The following TNXB variants were observed in gnomAD, a reference collection of about 807,000 sequenced individuals.
The protein encoded by TNXB is tenascin-X.
In TNXB, 183 loss-of-function variants were observed where a neutral mutation model predicts 340.5. The ratio of observed to expected loss-of-function variants is 0.54; its 90% confidence interval spans 0.48 to 0.61. The LOEUF (loss-of-function observed/expected upper bound fraction) is 0.61. TNXB is among the 20% of genes least tolerant of loss of function. TNXB has a pLI of 0.00. For missense variants in TNXB, 4,613 were observed against 5,446.4 expected, an observed-to-expected ratio of 0.85 and a Z score of 4.82; for synonymous variants, 2,121 against 2,314.5, an observed-to-expected ratio of 0.92 and a Z score of 2.40.
At chr6:32,057,957 C>T in intron 22 of TNXB, 101 bp downstream of exon 22, 1 of 1,347,502 alleles carries the variant, frequency 7.4e-7, no homozygotes, top group Non-Finnish European at 1.0e-6. Flanking sequence ...ATTCCTTTCA[C>T]TGTGAGCCCC....
chr6:32,069,423 G>C lies in TNXB; in HGVS notation c.5587+130C>G. On this transcript the variant is annotated intron_variant, in intron 15 of 43. Transcript: ENST00000644971. This position sits in a 1 kb window ranked among gnomAD's most constrained non-coding sequence, Gnocchi z 6.2. The stretch of plus-strand genomic sequence containing the variant: ...TGGGACTGGGGCAACTGACTCTAAA[G>C]GGGCACAAGGAAACTTTCTGGATCA... 8.6e-7 allele frequency: 1 copy of C among 1,169,036 alleles called. No homozygotes were observed. Among genetic ancestry groups the C allele is most frequent in the East Asian group, 2.6e-5 (1 of 38,880 alleles). The allele number at this position is 1,169,036 out of a possible 1,614,324, so 72.4% of individuals were successfully genotyped here.
At position 32,090,454 on chromosome 6, in the gene TNXB, C is replaced by G. The variant is rs569122715; in HGVS notation, c.2359-1075G>C. On this transcript the variant is annotated intron_variant, in intron 4 of 43. Transcript: ENST00000644971. The surrounding 1 kb of genome is among the most constrained non-coding windows in gnomAD (Gnocchi z 4.3). ...ATCTGTGAGCATTCTAACAGCCCCA[C>G]ATTTTGCTGTGCTGTCCAGCTAGGA... Among the ~76,000 whole-genome samples the G allele has an allele frequency of 5.6e-4, 85 of 152,300 alleles. No individual in the cohort carries two copies. The highest frequency in any genetic ancestry group is 2.0e-3 in the African/African-American group (84 of 41,574).
Position 32,052,786 on chromosome 6 carries a change from C to T in TNXB, c.8999G>A (p.Gly3000Asp). ...CCCCACGGTGACCTCGCTCTCCTCG[C>T]CCCTGACACGCACCACCTGGGGCCG... The part of the protein sequence containing the change: ...DGRPQVVRVR[G>D]EESEVTVGGL... The change falls in exon 26 of 44, where the codon GGC (glycine) becomes GAC (aspartate). Residue 3000 changes from glycine (G) to aspartate (D), a missense_variant. Transcript: ENST00000644971. The surrounding 1 kb of genome is among the most constrained non-coding windows in gnomAD (Gnocchi z 4.7). 2.5e-6 allele frequency: 4 copies of T among 1,613,814 alleles called. No homozygotes were observed. The highest frequency in any genetic ancestry group is 2.2e-5 in the South Asian group (2 of 91,084).
rs114258439 is a variant in TNXB at position 32,055,056 on chromosome 6, T to G, written c.8467+795A>C. Among the ~76,000 whole-genome samples, 321 of 152,304 alleles carry G rather than the reference T, an allele frequency of 2.1e-3. 3 individuals carry two copies. Among genetic ancestry groups the G allele is most frequent in the African/African-American group, 7.4e-3 (306 of 41,552 alleles). On this transcript the variant is annotated intron_variant, in intron 24 of 43. Transcript: ENST00000644971. ...GCTAATCTGAGTGATAGCTGCTTCT[T>G]TACCAATGGCAGCTTTGGCCTTGCT...
Position 32,070,150 on chromosome 6 carries a change from G to C in TNXB, c.5255C>G (p.Pro1752Arg), listed in dbSNP as rs1480200117. Reference protein sequence around the residue: ...YGLLGKKRHGPLTADGTTEAR... With the variant: ...YGLLGKKRHGRLTADGTTEAR... ...ACCCGTGGTGCCGTCGGCAGTGAGA[G>C]GGCCATGGCGCTTCTTGCCCAGGAG... The change falls in exon 14 of 44, where the codon CCT becomes CGT. Residue 1752 changes from proline to arginine, a missense_variant. By Grantham distance (103) the Pro-to-Arg change is moderately radical. Transcript: ENST00000644971. This position sits in a 1 kb window ranked among gnomAD's most constrained non-coding sequence, Gnocchi z 6.0. The C allele has an allele frequency of 1.9e-6, 3 of 1,585,592 alleles. No individual in the cohort carries two copies. The highest frequency in any genetic ancestry group is 2.6e-6 in the Non-Finnish European group (3 of 1,162,534).
At position 32,064,933 on chromosome 6, in the gene TNXB, G is replaced by A. The variant is rs746066179; in HGVS notation, c.6729C>T (p.His2243=). The change falls in exon 19 of 44, where the codon CAC becomes CAT. Residue 2243 remains histidine, a synonymous_variant. Transcript: ENST00000644971. The surrounding 1 kb of genome is among the most constrained non-coding windows in gnomAD (Gnocchi z 5.3). ...GGCCCGAGATGGTGACCCCATCCTCGTGTCCCGGCACCCGCACCGCCTTGG... is the reference window on the plus strand; with the variant it reads ...GGCCCGAGATGGTGACCCCATCCTCATGTCCCGGCACCCGCACCGCCTTGG... The part of the protein sequence containing the change: ...GQPKAVRVPG[H]EDGVTISGLE... The A allele has an allele frequency of 8.7e-6, 14 of 1,612,836 alleles. No individual in the cohort carries two copies. The highest frequency in any genetic ancestry group is 1.7e-5 in the Admixed American group (1 of 60,020).
At chr6:32,107,987 G>A (rs193263501) in intron 1 of TNXB, among the ~76,000 whole-genome samples, 5 of 152,236 alleles carry the variant, frequency 3.3e-5, no homozygotes, top group South Asian at 4.1e-4. Context: ...GGAGCTAATC[G>A]GCCTGGGAAT....
chr6:32,042,767 TAGG>T lies in TNXB; in HGVS notation c.11987_11989del (p.Ser3996del). On this transcript the variant is annotated inframe_deletion, in exon 39 of 44. Transcript: ENST00000644971. ...CCACATGGCCTGGAGCCGTGCATTGTAGGAGGTGGAGGGAAAGAGGCCAAGGAG... is the reference window on the plus strand; with the variant it reads ...CCACATGGCCTGGAGCCGTGCATTGTAGGTGGAGGGAAAGAGGCCAAGGAG... 1.4e-6 allele frequency: 1 copy of T among 701,232 alleles called. No homozygotes were observed. The highest frequency in any genetic ancestry group is 2.9e-5 in the East Asian group (1 of 34,564). The allele number at this position is 701,232 out of a possible 1,614,324, so 43.4% of individuals were successfully genotyped here. A position where few individuals can be genotyped will look rare whatever the true frequency, so the allele number is the denominator to read the frequency against.
chr6:32,086,245 C>T (rs1265993646), intron 6 of TNXB, 127 bp from the exon 7 acceptor site: 2 of 1,154,560 alleles, frequency 1.7e-6, no homozygotes, highest in Admixed American at 3.0e-5. Context: ...GGTTCCCTCA[C>T]CTGGGCCACT....
chr6:32,041,519 G>A (rs1190533131), intron 43 of TNXB, 69 bp from the exon 44 acceptor site: 2 of 1,199,174 alleles, frequency 1.7e-6, no homozygotes, highest in Non-Finnish European at 2.4e-6. Context: ...TCCCCTTAAG[G>A]AGGTAGCTCC....
chr6:32,048,230 G>T, intron 29 of TNXB, 133 bp downstream of exon 29: 1 of 1,110,666 alleles, frequency 9.0e-7, no homozygotes, highest in South Asian at 1.8e-5. Flanking sequence ...AGAGCTCAGG[G>T]CCTGGGTTTT....
Position 32,082,301 on chromosome 6 carries a change from C to G in TNXB, c.3471G>C (p.Gly1157=). Residue 1157 remains glycine, a synonymous_variant, in exon 9 of 44, where the codon GGG becomes GGC. Transcript: ENST00000644971. The surrounding 1 kb of genome is among the most constrained non-coding windows in gnomAD (Gnocchi z 5.0). Reference sequence around the variant, plus strand: ...ACAGGTTTCCCAGGTGGGGTGGAGTCCCTGGACTTGGGTCACTCTGAGGCA... The same window carrying G: ...ACAGGTTTCCCAGGTGGGGTGGAGTGCCTGGACTTGGGTCACTCTGAGGCA... ...KILPQSDPSP[G]TPPHLGNLWV... is the part of the protein sequence containing the mutation. 1 of 1,599,562 alleles carries G rather than the reference C, an allele frequency of 6.3e-7. No individual in the cohort carries two copies. The highest frequency in any genetic ancestry group is 1.3e-5 in the African/African-American group (1 of 74,834).
intron 11 of TNXB, among the ~76,000 whole-genome samples, chr6:32,078,138 A>G (rs1779212374): frequency 6.6e-6 from 1 of 151,446 alleles, no homozygotes; most frequent in Non-Finnish European, 1.5e-5. Flanking sequence ...AAAGAAAAAG[A>G]GAGAAAGAAG....
rs1327754879 is a variant in TNXB, at chr6:32,069,819, G to C, written c.5321C>G (p.Pro1774Arg). The C allele has an allele frequency of 1.2e-6, 2 of 1,609,202 alleles. No individual in the cohort carries two copies. Among genetic ancestry groups the C allele is most frequent in the Non-Finnish European group, 1.7e-6 (2 of 1,177,960 alleles). The change falls in exon 15 of 44, where the codon CCA (proline) becomes CGA (arginine). Residue 1774 changes from proline to arginine, a missense_variant. Pro to Arg is a moderately radical substitution (Grantham distance 103). Coordinates refer to ENST00000644971, the MANE Select transcript of TNXB (RefSeq NM_001365276.2). This position sits in a 1 kb window ranked among gnomAD's most constrained non-coding sequence, Gnocchi z 6.2. ...AMDDTGTKRP[P>R]KPRLGEELQV... ...CAGCTCCTCCCCCAGACGGGGTTTT[G>C]GGGGACGCTTTGTTCCAGTATCATC...
At position 32,081,543 on chromosome 6, in the gene TNXB, G is replaced by A. The variant is rs1779439126; in HGVS notation, c.3867C>T (p.Asp1289=). 1 of 1,605,590 alleles carries A rather than the reference G, an allele frequency of 6.2e-7. No individual in the cohort carries two copies. Among genetic ancestry groups the A allele is most frequent in the Non-Finnish European group, 8.5e-7 (1 of 1,176,308 alleles). Residue 1289 remains aspartate (D), a synonymous_variant, in exon 10 of 44, where the codon GAC becomes GAT. Coordinates refer to ENST00000644971, the MANE Select transcript of TNXB (RefSeq NM_001365276.2). This position sits in a 1 kb window ranked among gnomAD's most constrained non-coding sequence, Gnocchi z 5.1. ...LSWTVAQGPF[D]SFMVQYKDAQ... The stretch of plus-strand genomic sequence containing the variant: ...CATCCTTGTACTGGACCATGAATGA[G>A]TCGAAGGGGCCCTGGGCCACTGTCC...
chr6:32,056,872 A>G lies in TNXB; in HGVS notation c.7857T>C (p.Pro2619=). 6.2e-7 allele frequency: 1 copy of G among 1,612,588 alleles called. No individual in the cohort carries two copies. The highest frequency in any genetic ancestry group is 8.5e-7 in the Non-Finnish European group (1 of 1,179,666). The part of the protein sequence containing the change: ...EDEAETTQAV[P]TMTPEPPIKP... Reference sequence around the variant, plus strand: ...TGATGGGGGGCTCAGGGGTCATGGTAGGCACTGCTTGGGTGGTCTCGGCTT... The same window carrying G: ...TGATGGGGGGCTCAGGGGTCATGGTGGGCACTGCTTGGGTGGTCTCGGCTT... Residue 2619 remains proline (P), a synonymous_variant, in exon 23 of 44, where the codon CCT becomes CCC. Transcript: ENST00000644971.
In TNXB at chr6:32,067,929, G is replaced by T; in HGVS notation, c.6276C>A (p.Pro2092=). 1 of 1,612,564 alleles carries T rather than the reference G, an allele frequency of 6.2e-7. No individual in the cohort carries two copies. The highest frequency in any genetic ancestry group is 8.5e-7 in the Non-Finnish European group (1 of 1,179,872). ...GCTCCCCCAGGAGCGGCTCCTCAGC[G>T]GGCTCCGGGGCCTCCATGCTGGGTT... is the stretch of plus-strand genomic sequence containing the variant. The part of the protein sequence containing the change: ...PTEPSMEAPE[P]AEEPLLGELT... Residue 2092 remains proline, a synonymous_variant, in exon 18 of 44, where the codon CCC becomes CCA. Coordinates refer to ENST00000644971, the MANE Select transcript of TNXB (RefSeq NM_001365276.2). This position sits in a 1 kb window ranked among gnomAD's most constrained non-coding sequence, Gnocchi z 4.2.
intron 1 of TNXB, 39 bp from the exon 2 acceptor site, chr6:32,098,245 A>G: frequency 7.0e-7 from 1 of 1,435,922 alleles, no homozygotes; most frequent in Non-Finnish European, 9.2e-7. Flanking sequence ...CAGCTTCAAA[A>G]AGGAGACAAA....
rs1234655306 is a variant in TNXB at position 32,051,267 on chromosome 6, C to A, written c.9116-946G>T. On this transcript the variant is annotated intron_variant, in intron 26 of 43. Coordinates refer to ENST00000644971, the MANE Select transcript of TNXB (RefSeq NM_001365276.2). The surrounding 1 kb of genome is among the most constrained non-coding windows in gnomAD (Gnocchi z 4.7). ...GGGCTTCTTGTCACATGCTCACCCG[C>A]CTTTGCTTTCTTACTGGTCCACAGC... Among the ~76,000 whole-genome samples, 1 of 152,180 alleles carries A rather than the reference C, an allele frequency of 6.6e-6. No homozygotes were observed. The highest frequency in any genetic ancestry group is 1.5e-5 in the Non-Finnish European group (1 of 68,020).
Sources: gnomAD v4.1 joint callset for allele counts (sites outside exome capture counted in the v4.1 genomes callset) on GRCh38, gnomAD v4.1.1 for gene constraint, Gnocchi (gnomAD v3.1) non-coding constraint, MANE v1.5 for transcripts, NCBI Gene and HGNC (gene_info 2026-07-23, HGNC 2026-07-21) for gene names.